ADNP2: variants seen among roughly 807,000 people sequenced by gnomAD.
The protein encoded by ADNP2 is ADNP homeobox 2, also known as activity-dependent neuroprotector homeobox protein 2.
A neutral mutation model predicts 16.4 loss-of-function variants in ADNP2; 8 were observed. The observed-to-expected ratio is 0.49, with a 90% confidence interval of 0.29 to 0.88. The LOEUF (loss-of-function observed/expected upper bound fraction) is 0.88, where lower values mean the gene tolerates loss of function less well. Ranked by LOEUF, ADNP2 falls within the 40% of genes least tolerant of loss-of-function variation. The pLI, the probability that ADNP2 is intolerant of heterozygous loss-of-function variation, is 0.09. For synonymous variants in ADNP2, 637 were observed against 545.8 expected (o/e 1.17, Z -2.33); for missense variants, 1,397 against 1,395.1 (o/e 1.00, Z -0.02).
In ADNP2 at chr18:80,138,384, C is replaced by T. The variant is rs759405262; in HGVS notation, c.2971C>T (p.Arg991Trp). The change falls in exon 4 of 4, where the codon CGG (arginine) becomes TGG (tryptophan). Residue 991 changes from arginine (R) to tryptophan (W), a missense_variant. Coordinates refer to ENST00000262198, the MANE Select transcript of ADNP2 (RefSeq NM_014913.4). ...PDGHLGAEDQ[R>W]HGEEQPPILN... ...CGGCCACTTAGGGGCCGAAGACCAGCGGCATGGGGAGGAGCAGCCTCCCAT... is the reference window on the plus strand; with the variant it reads ...CGGCCACTTAGGGGCCGAAGACCAGTGGCATGGGGAGGAGCAGCCTCCCAT... The T allele has an allele frequency of 7.4e-6, 12 of 1,613,914 alleles. No individual in the cohort carries two copies. The highest frequency in any genetic ancestry group is 4.0e-5 in the African/African-American group (3 of 74,922).
chr18:80,138,412 T>G lies in ADNP2; in HGVS notation c.2999T>G (p.Leu1000Arg), dbSNP rs772865007. The G allele has an allele frequency of 6.2e-7, 1 of 1,613,930 alleles. No homozygotes were observed. Among genetic ancestry groups the G allele is most frequent in the African/African-American group, 1.3e-5 (1 of 74,928 alleles). Residue 1000 changes from leucine to arginine, a missense_variant, in exon 4 of 4, where the codon CTA becomes CGA. Physicochemically the swap from Leu to Arg is moderately radical, Grantham distance 102 (BLOSUM62 -2). Transcript: ENST00000262198. The part of the protein sequence containing the change: ...QRHGEEQPPI[L>R]NADAAPGPEK... ...CATGGGGAGGAGCAGCCTCCCATCC[T>G]AAATGCCGATGCAGCCCCGGGTCCA...
rs2052561423 is a variant in ADNP2 at position 80,138,769 on chromosome 18, A to G, written c.3356A>G (p.Lys1119Arg). Reference protein sequence around the residue: ...VLLGFDMSELKNVKHRLNFEY... With the variant: ...VLLGFDMSELRNVKHRLNFEY... ...TTAGGCTTTGATATGTCTGAACTTA[A>G]AAATGTGAAACATAGATTGAACTTT... Residue 1119 changes from lysine to arginine, a missense_variant, in exon 4 of 4, where the codon AAA (lysine) becomes AGA (arginine). By Grantham distance (26) the Lys-to-Arg change is conservative. Coordinates refer to ENST00000262198, the MANE Select transcript of ADNP2 (RefSeq NM_014913.4). 1 of 1,575,558 alleles carries G rather than the reference A, an allele frequency of 6.3e-7. No homozygotes were observed. Among genetic ancestry groups the G allele is most frequent in the Non-Finnish European group, 8.6e-7 (1 of 1,168,228 alleles).
rs547667697 is a variant in ADNP2 at position 80,112,465 on chromosome 18, C to G, written c.-14+2993C>G. Among the ~76,000 whole-genome samples, 3 of 151,884 alleles carry G rather than the reference C, an allele frequency of 2.0e-5. No individual in the cohort carries two copies. In the South Asian group the frequency reaches 6.2e-4, roughly 32 times the overall value. ...AAAAAGGAGGGGGGAACTTTTCCCC[C>G]TCCTTTTTTTAAATGAAAAGGTATT... On this transcript the variant is annotated intron_variant, in intron 1 of 3. Transcript: ENST00000262198.
Position 80,138,014 on chromosome 18 carries a change from C to G in ADNP2, c.2601C>G (p.Pro867=), listed in dbSNP as rs767166846. 9 of 1,613,386 alleles carry G rather than the reference C, an allele frequency of 5.6e-6. No homozygotes were observed. Among genetic ancestry groups the G allele is most frequent in the African/African-American group, 2.7e-5 (2 of 74,914 alleles). The change falls in exon 4 of 4, where the codon CCC becomes CCG. Residue 867 remains proline, a synonymous_variant. Transcript: ENST00000262198. ...TGAGGCCTCAGGCTGAGGGCACCCCCGGGAGCACCGGCAAGCGAGTGTCCA... is the reference window on the plus strand; with the variant it reads ...TGAGGCCTCAGGCTGAGGGCACCCCGGGGAGCACCGGCAAGCGAGTGTCCA... The part of the protein sequence containing the change: ...VKVRPQAEGT[P]GSTGKRVSTC...
chr18:80,133,325 G>C, intron 3 of ADNP2, 133 bp downstream of exon 3: 1 of 738,536 alleles, frequency 1.4e-6, no homozygotes, highest in Non-Finnish European at 2.4e-6. Context: ...CAACCTTTCA[G>C]AGAAGTAGCA....
intron 2 of ADNP2, among the ~76,000 whole-genome samples, chr18:80,124,693 A>C (rs932177539): frequency 6.6e-6 from 1 of 152,164 alleles, no homozygotes; most frequent in African/African-American, 2.4e-5. Flanking sequence ...AAGTTAGCTG[A>C]AAGTCCCCCA....
At chr18:80,120,233 C>T (rs2052415534) in intron 2 of ADNP2, among the ~76,000 whole-genome samples, 1 of 152,174 alleles carries the variant, frequency 6.6e-6, no homozygotes, top group Non-Finnish European at 1.5e-5. Context: ...GTTAAGAATT[C>T]ACGATGGTTA....
At chr18:80,129,244 C>T (rs777627471) in intron 2 of ADNP2, among the ~76,000 whole-genome samples, 2 of 151,588 alleles carry the variant, frequency 1.3e-5, no homozygotes, top group Non-Finnish European at 2.9e-5. Flanking sequence ...GCTGGGATTA[C>T]GAGCACCCGC....
At position 80,137,413 on chromosome 18, in the gene ADNP2, A is replaced by G. The variant is rs1298482580; in HGVS notation, c.2000A>G (p.Asn667Ser). The G allele has an allele frequency of 4.3e-6, 7 of 1,614,174 alleles. No individual in the cohort carries two copies. Among genetic ancestry groups the G allele is most frequent in the Non-Finnish European group, 5.9e-6 (7 of 1,180,022 alleles). The change falls in exon 4 of 4, where the codon AAT becomes AGT. Residue 667 changes from asparagine (N) to serine (S), a missense_variant. Around this residue, in one of 3 missense-constraint regions of ADNP2, gnomAD observed 611 missense variants for 648.7 expected, o/e 0.94. Transcript: ENST00000262198. The surrounding 1 kb of genome is among the most constrained non-coding windows in gnomAD (Gnocchi z 4.2). ...PGMPSPPVLV[N>S]AAQSVFVQAS... ...ATGCCCTCTCCTCCAGTGCTGGTGA[A>G]TGCTGCTCAGAGCGTGTTTGTTCAG... is the stretch of plus-strand genomic sequence containing the variant.
chr18:80,118,184 G>C (rs565747714), intron 2 of ADNP2, among the ~76,000 whole-genome samples: 3 of 152,264 alleles, frequency 2.0e-5, no homozygotes, highest in Non-Finnish European at 2.9e-5. Context: ...CAGCACTTTG[G>C]GAGGCTGAGG....
rs2052535031 is a variant in ADNP2, at chr18:80,136,412, G to T, written c.999G>T (p.Leu333=). ...PPAAGQSHMT[L]VSSPLPVGQN... ...CTGCTGGCCAATCCCACATGACTCT[G>T]GTCTCCAGCCCTCTGCCTGTGGGCC... The change falls in exon 4 of 4, where the codon CTG becomes CTT. Residue 333 remains leucine, a synonymous_variant. Coordinates refer to ENST00000262198, the MANE Select transcript of ADNP2 (RefSeq NM_014913.4). 1.9e-6 allele frequency: 3 copies of T among 1,614,140 alleles called. No individual in the cohort carries two copies. The highest frequency in any genetic ancestry group is 2.2e-5 in the South Asian group (2 of 91,080).
intron 1 of ADNP2, among the ~76,000 whole-genome samples, chr18:80,111,355 G>C (rs926494630): frequency 6.6e-5 from 10 of 151,904 alleles, no homozygotes; most frequent in African/African-American, 2.4e-4. Flanking sequence ...GGTCATACTC[G>C]CCCTGTTTTA....
In ADNP2 at chr18:80,110,817, A is replaced by T. The variant is rs866807054; in HGVS notation, c.-14+1345A>T. 2.3e-4 allele frequency among the ~76,000 whole-genome samples: 35 copies of T among 152,302 alleles called. 1 individual carries two copies. The Middle Eastern group carries it at 0.01, about 44-fold the overall frequency. ...AGATGTGTGTTAAGAAAGGAAGTACAAGAGTGAAGATGAGACAAGAGGTTG... is the reference window on the plus strand; with the variant it reads ...AGATGTGTGTTAAGAAAGGAAGTACTAGAGTGAAGATGAGACAAGAGGTTG... On this transcript the variant is annotated intron_variant, in intron 1 of 3. Coordinates refer to ENST00000262198, the MANE Select transcript of ADNP2 (RefSeq NM_014913.4).
intron 3 of ADNP2, among the ~76,000 whole-genome samples, chr18:80,134,510 T>G (rs188137858): frequency 9.5e-4 from 144 of 152,074 alleles, no homozygotes; most frequent in Middle Eastern, 6.8e-3. Flanking sequence ...TCTGGGGCTT[T>G]AGATGAAGCT....
chr18:80,134,656 A>G (rs1168335245), intron 3 of ADNP2, among the ~76,000 whole-genome samples: 3 of 152,144 alleles, frequency 2.0e-5, no homozygotes, highest in Non-Finnish European at 4.4e-5. Flanking sequence ...AAGTCTTACT[A>G]GATGTTAGAA....
rs539154767 is a variant in ADNP2, at chr18:80,138,899, G to C, written c.*90G>C. ...ACAGTGTTGTCCTCACTGTGTTGGTGAATCAACCTCAGTGGTCACTGTGCT... is the reference window on the plus strand; with the variant it reads ...ACAGTGTTGTCCTCACTGTGTTGGTCAATCAACCTCAGTGGTCACTGTGCT... On this transcript the variant is annotated 3_prime_UTR_variant, in exon 4 of 4. Coordinates refer to ENST00000262198, the MANE Select transcript of ADNP2 (RefSeq NM_014913.4). The C allele has an allele frequency of 1.6e-6, 2 of 1,218,774 alleles. No individual in the cohort carries two copies. Among genetic ancestry groups the C allele is most frequent in the Non-Finnish European group, 2.2e-6 (2 of 908,198 alleles). 75.5% of individuals were successfully genotyped at this position (1,218,774 alleles called of 1,614,324 possible). A position where few individuals can be genotyped will look rare whatever the true frequency, so the allele number is the denominator to read the frequency against.
rs946417707 is a variant in ADNP2 at position 80,136,558 on chromosome 18, A to G, written c.1145A>G (p.Asn382Ser). The change falls in exon 4 of 4, where the codon AAT (asparagine) becomes AGT (serine). Residue 382 changes from asparagine to serine, a missense_variant. By Grantham distance (46) the Asn-to-Ser change is conservative (BLOSUM62 1). Transcript: ENST00000262198. ...LPLSQPVGPV[N>S]KSVGTSVLPI... ...TTGAGTCAGCCAGTCGGACCTGTCA[A>G]TAAGTCTGTTGGAACTAGTGTCCTC... The G allele has an allele frequency of 1.2e-6, 2 of 1,614,216 alleles. No homozygotes were observed. Among genetic ancestry groups the G allele is most frequent in the African/African-American group, 1.3e-5 (1 of 75,056 alleles).
In ADNP2 at chr18:80,137,877, C is replaced by T. The variant is rs141504994; in HGVS notation, c.2464C>T (p.His822Tyr). The T allele has an allele frequency of 1.4e-5, 22 of 1,614,058 alleles. No homozygotes were observed. Among genetic ancestry groups the T allele is most frequent in the East Asian group, 2.2e-5 (1 of 44,876 alleles). Residue 822 changes from histidine (H) to tyrosine (Y), a missense_variant, in exon 4 of 4, where the codon CAC becomes TAC. His to Tyr is a moderately conservative substitution (Grantham distance 83). Transcript: ENST00000262198. The surrounding 1 kb of genome is among the most constrained non-coding windows in gnomAD (Gnocchi z 4.2). ...VDANGNLLFPHLDFITILPKE... is the reference protein window; with the variant it reads ...VDANGNLLFPYLDFITILPKE... ...TGCCAATGGCAACCTGCTCTTTCCCCACCTTGATTTCATCACCATATTGCC... is the reference window on the plus strand; with the variant it reads ...TGCCAATGGCAACCTGCTCTTTCCCTACCTTGATTTCATCACCATATTGCC...
intron 1 of ADNP2, 181 bp downstream of exon 1, chr18:80,109,653 G>A (rs1406725523): frequency 6.7e-6 from 1 of 149,520 alleles, no homozygotes; most frequent in Non-Finnish European, 1.5e-5. Context: ...CGTTCTCAGG[G>A]CGCGGGTTCG....
Sources: allele counts gnomAD v4.1 joint callset (sites outside exome capture counted in the v4.1 genomes callset), GRCh38; gene constraint gnomAD v4.1.1; regional missense constraint gnomAD v4.1.1; non-coding constraint Gnocchi (gnomAD v3.1); transcripts MANE v1.5; gene names NCBI Gene and HGNC (gene_info 2026-07-23, HGNC 2026-07-21).